The following PPARGC1A variants were observed in gnomAD, a reference collection of about 807,000 sequenced individuals.
The protein encoded by PPARGC1A is PPARG coactivator 1 alpha.
In PPARGC1A, 25 loss-of-function variants were observed where a neutral mutation model predicts 88.7. The observed-to-expected ratio is 0.28, with a 90% CI of 0.21 to 0.39. PPARGC1A has a LOEUF of 0.39. PPARGC1A is among the 10% of genes least tolerant of loss of function. PPARGC1A has a pLI of 1.00. For synonymous variants in PPARGC1A, 363 were observed against 355.6 expected, an observed-to-expected ratio of 1.02 and a Z score of -0.24; for missense variants, 880 against 968.7, an observed-to-expected ratio of 0.91 and a Z score of 1.22.
chr4:24,045,981 C>A, the PPARGC1A span, among the ~76,000 whole-genome samples: 1 of 152,148 alleles, frequency 6.6e-6, no homozygotes, highest in Non-Finnish European at 1.5e-5. Flanking sequence ...GTTCAGGTGC[C>A]AAACACAATT....
the PPARGC1A span, among the ~76,000 whole-genome samples, chr4:24,110,500 C>T: frequency 6.6e-6 from 1 of 152,096 alleles, no homozygotes; most frequent in African/African-American, 2.4e-5. Context: ...AGAAAGATCA[C>T]CAAATGATCA....
At chr4:24,016,069 A>G in the PPARGC1A span, among the ~76,000 whole-genome samples, 1 of 152,228 alleles carries the variant, frequency 6.6e-6, no homozygotes, top group Admixed American at 6.5e-5. Flanking sequence ...CAATAATTGC[A>G]ATATGACTAG....
chr4:23,876,015 TG>T (rs1560494731), intron 2 of PPARGC1A: 1 of 152,234 alleles, frequency 6.6e-6, no homozygotes. Context: ...AAGTTCCACG[TG>T]TTAAATCACA....
chr4:24,467,024 AAGAAAG>A, the PPARGC1A span, among the ~76,000 whole-genome samples: 11 of 147,502 alleles, frequency 7.5e-5, no homozygotes. Context: ...GAAAGAAAGA[AAGAAAG>A]AGAAAGAGAG....
chr4:24,406,350 G>C, the PPARGC1A span, among the ~76,000 whole-genome samples: 27 of 152,246 alleles, frequency 1.8e-4, no homozygotes, highest in African/African-American at 6.5e-4. Context: ...ATTTTCCTGG[G>C]AACCTGTGTC....
intron 2 of PPARGC1A, among the ~76,000 whole-genome samples, chr4:23,852,436 G>GC (rs1225468755): frequency 6.8e-6 from 1 of 147,386 alleles, no homozygotes; most frequent in African/African-American, 2.4e-5. Flanking sequence ...CACCCCTACA[G>GC]CCCTGACATA....
At chr4:23,990,095 A>ACAT in the PPARGC1A span, among the ~76,000 whole-genome samples, 12 of 145,050 alleles carry the variant, frequency 8.3e-5, no homozygotes, top group African/African-American at 3.0e-4. Flanking sequence ...TATATATTAC[A>ACAT]TATTAATTAT....
chr4:23,988,377 G>A, the PPARGC1A span, among the ~76,000 whole-genome samples: 1 of 151,998 alleles, frequency 6.6e-6, no homozygotes, highest in Non-Finnish European at 1.5e-5. Context: ...CTTCCACAGT[G>A]GTTGAACTAA....
the PPARGC1A span, among the ~76,000 whole-genome samples, chr4:24,301,453 G>GT: frequency 2.0e-5 from 3 of 152,036 alleles, no homozygotes; most frequent in African/African-American, 7.3e-5. Context: ...TTTATTGACA[G>GT]AGAAACTGAG....
chr4:24,153,987 A>G, the PPARGC1A span, among the ~76,000 whole-genome samples: 2 of 152,148 alleles, frequency 1.3e-5, no homozygotes, highest in Non-Finnish European at 2.9e-5. Context: ...TGTCTCAGAA[A>G]AGCAGGTTTT....
chr4:24,163,889 C>T, the PPARGC1A span, among the ~76,000 whole-genome samples: 2 of 152,162 alleles, frequency 1.3e-5, no homozygotes, highest in Admixed American at 6.5e-5. Context: ...GAGAAGGCCT[C>T]CTGACCATCT....
At chr4:23,855,394 G>A (rs191301505) in intron 2 of PPARGC1A, among the ~76,000 whole-genome samples, 78 of 152,142 alleles carry the variant, frequency 5.1e-4, no homozygotes, top group African/African-American at 1.6e-3. Context: ...CCAAATAGAT[G>A]GTAAACTGGA....
chr4:23,875,578 C>T (rs1714531158), intron 2 of PPARGC1A, among the ~76,000 whole-genome samples: 1 of 151,768 alleles, frequency 6.6e-6, no homozygotes, highest in Non-Finnish European at 1.5e-5. Flanking sequence ...TTTATGATCT[C>T]TTATGAACAG....
chr4:24,261,765 G>A, the PPARGC1A span, among the ~76,000 whole-genome samples: 16 of 151,262 alleles, frequency 1.1e-4, no homozygotes, highest in African/African-American at 3.4e-4. Flanking sequence ...GACTATTAAA[G>A]GGCCCCTTCT....
chr4:23,884,934 G>A lies in PPARGC1A; in HGVS notation c.55-3C>T. ...TCTTCACCAACCAGAGCAGCACACTGCAGGAGGCAGAAAAAAAAAATTTAA... is the reference window on the plus strand; with the variant it reads ...TCTTCACCAACCAGAGCAGCACACTACAGGAGGCAGAAAAAAAAAATTTAA... On this transcript the variant is annotated splice_region_variant and splice_polypyrimidine_tract_variant and intron_variant, in intron 1 of 12. Transcript: ENST00000264867. The A allele has an allele frequency of 6.4e-7, 1 of 1,552,362 alleles. No individual in the cohort carries two copies. The highest frequency in any genetic ancestry group is 1.2e-5 in the South Asian group (1 of 81,438).
At position 23,852,552 on chromosome 4, in the gene PPARGC1A, T is replaced by A. The variant is rs144600619; in HGVS notation, c.235-20801A>T. Among the ~76,000 whole-genome samples, 327 of 152,228 alleles carry A rather than the reference T, an allele frequency of 2.1e-3. 4 individuals are homozygous for A. In the South Asian group the frequency reaches 0.041, roughly 19 times the overall value. On this transcript the variant is annotated intron_variant, in intron 2 of 12. Coordinates refer to ENST00000264867, the MANE Select transcript of PPARGC1A (RefSeq NM_013261.5). ...AGCACTGGAGTCACTCTCCTCTGAT[T>A]GTCGTTTTAAAAATCCACCCTCCCC... is the stretch of plus-strand genomic sequence containing the variant.
intron 2 of PPARGC1A, among the ~76,000 whole-genome samples, chr4:23,863,334 C>G (rs962354983): frequency 7.2e-5 from 11 of 152,062 alleles, no homozygotes; most frequent in African/African-American, 2.7e-4. Context: ...TCTAACAAAC[C>G]CCATATTGTC....
the PPARGC1A span, among the ~76,000 whole-genome samples, chr4:24,056,900 G>A: frequency 0.31 from 47,024 of 152,006 alleles, 7,733 homozygotes; most frequent in South Asian, 0.41. Context: ...GTGGTTCCTC[G>A]AAAAATTAAA....
At chr4:24,304,805 G>GCTTATAATCTTA in the PPARGC1A span, among the ~76,000 whole-genome samples, 6 of 152,112 alleles carry the variant, frequency 3.9e-5, no homozygotes, top group Admixed American at 2.0e-4. Context: ...TATAAGGAAG[G>GCTTATAATCTTA]TATATATCTT....
Sources: allele counts gnomAD v4.1 joint callset (sites outside exome capture counted in the v4.1 genomes callset), GRCh38; gene constraint gnomAD v4.1.1; transcripts MANE v1.5; gene names NCBI Gene and HGNC (gene_info 2026-07-23, HGNC 2026-07-21).